CBR4: variants seen among roughly 807,000 people sequenced by gnomAD.
CBR4 encodes 3-oxoacyl-[acyl-carrier-protein] reductase.
A neutral mutation model predicts 21.0 loss-of-function variants in CBR4; 22 were observed. That is an observed-to-expected ratio of 1.05 (90% CI 0.75 to 1.50). The LOEUF (loss-of-function observed/expected upper bound fraction) is 1.50. Among genes scored for constraint, CBR4 ranks in the 40% most tolerant of loss-of-function variants. The pLI, the probability that CBR4 is intolerant of heterozygous loss-of-function variation, is 0.00. For synonymous variants in CBR4, 100 were observed against 104.4 expected, an observed-to-expected ratio of 0.96 and a Z score of 0.26; for missense variants, 302 against 286.3, an observed-to-expected ratio of 1.05 and a Z score of -0.40.
chr4:168,897,280 C>G (rs1433443616), intron 2 of CBR4, among the ~76,000 whole-genome samples: 2 of 152,190 alleles, frequency 1.3e-5, no homozygotes, highest in South Asian at 4.1e-4. Flanking sequence ...AGCAAAACAA[C>G]TTGTGGTATA....
chr4:168,921,967 T>G (rs1191714514), intron 2 of CBR4, among the ~76,000 whole-genome samples: 1 of 152,036 alleles, frequency 6.6e-6, no homozygotes, highest in Non-Finnish European at 1.5e-5. Flanking sequence ...TTTTATTAGC[T>G]CTTTTGGGTC....
intron 2 of CBR4, among the ~76,000 whole-genome samples, chr4:168,943,118 A>G (rs1763306919): frequency 6.6e-6 from 1 of 152,208 alleles, no homozygotes; most frequent in Admixed American, 6.5e-5. Flanking sequence ...ACCAGTGGAC[A>G]TTTATCCAAA....
chr4:168,950,660 G>A (rs572952991), intron 2 of CBR4, among the ~76,000 whole-genome samples: 2 of 152,196 alleles, frequency 1.3e-5, no homozygotes, highest in Non-Finnish European at 2.9e-5. Flanking sequence ...CTTTCTTGAT[G>A]ACCTGTCTAG....
intron 3 of CBR4, chr4:169,005,970 A>G: frequency 8.9e-7 from 1 of 1,123,716 alleles, no homozygotes; most frequent in African/African-American, 1.6e-5. Context: ...ATTATTTCCA[A>G]ATTACCAAAC....
chr4:168,951,796 T>A (rs1023297796), intron 2 of CBR4, among the ~76,000 whole-genome samples: 1 of 152,238 alleles, frequency 6.6e-6, no homozygotes, highest in African/African-American at 2.4e-5. Context: ...GTTAGTCTGA[T>A]AGGTTTTCCT....
At chr4:168,899,714 C>T (rs1183455335) in intron 2 of CBR4, among the ~76,000 whole-genome samples, 1 of 151,926 alleles carries the variant, frequency 6.6e-6, no homozygotes, top group African/African-American at 2.4e-5. Flanking sequence ...CTCAGGAGTT[C>T]GAGACCAGCC....
intron 2 of CBR4, among the ~76,000 whole-genome samples, chr4:168,975,330 G>A (rs1243031228): frequency 6.6e-6 from 1 of 152,264 alleles, no homozygotes; most frequent in East Asian, 1.9e-4. Flanking sequence ...AGTGGACTCT[G>A]TGGGAGTCCT....
intron 2 of CBR4, among the ~76,000 whole-genome samples, chr4:168,938,108 ACAGT>A (rs1192095102): frequency 6.6e-6 from 1 of 152,212 alleles, no homozygotes; most frequent in Non-Finnish European, 1.5e-5. Flanking sequence ...ATCATAACAA[ACAGT>A]CTGTCAGACC....
chr4:168,978,577 G>T (rs1764444321), intron 2 of CBR4, among the ~76,000 whole-genome samples: 1 of 152,174 alleles, frequency 6.6e-6, no homozygotes, highest in African/African-American at 2.4e-5. Context: ...TTTCTGCCAT[G>T]AACCTTTGCA....
intron 2 of CBR4, chr4:168,896,429 A>G (rs1755184869): frequency 1.5e-6 from 1 of 681,056 alleles, no homozygotes; most frequent in Non-Finnish European, 2.7e-6. Context: ...TACTCACAGC[A>G]CCGTTACTAC....
chr4:168,965,541 A>G (rs1763996913), intron 2 of CBR4, among the ~76,000 whole-genome samples: 1 of 152,204 alleles, frequency 6.6e-6, no homozygotes, highest in African/African-American at 2.4e-5. Context: ...TGGTACTGGT[A>G]CCAAAACAGA....
At chr4:168,936,706 G>C (rs1047410630) in intron 2 of CBR4, among the ~76,000 whole-genome samples, 1 of 152,040 alleles carries the variant, frequency 6.6e-6, no homozygotes, top group Non-Finnish European at 1.5e-5. Flanking sequence ...TCAACTTAAC[G>C]AAATAAAGCA....
chr4:168,999,008 AG>A (rs1400734167), intron 4 of CBR4, among the ~76,000 whole-genome samples: 9 of 152,136 alleles, frequency 5.9e-5, no homozygotes, highest in Non-Finnish European at 1.5e-5. Context: ...ATATTTTTTA[AG>A]GTAATACAGC....
chr4:169,006,328 T>A (rs1440757662), intron 3 of CBR4, among the ~76,000 whole-genome samples: 1 of 151,902 alleles, frequency 6.6e-6, no homozygotes, highest in African/African-American at 2.4e-5. Context: ...TAGTGTGACC[T>A]CGTCTCTATT....
downstream of CBR4, among the ~76,000 whole-genome samples, chr4:168,985,536 G>A (rs1350763123): frequency 6.6e-6 from 1 of 152,134 alleles, no homozygotes; most frequent in Non-Finnish European, 1.5e-5. Flanking sequence ...TCCCATTACT[G>A]CATATATTCC....
At chr4:168,952,209 C>G (rs1168833386) in intron 2 of CBR4, among the ~76,000 whole-genome samples, 1 of 152,070 alleles carries the variant, frequency 6.6e-6, no homozygotes, top group African/African-American at 2.4e-5. Context: ...AATTCTATTG[C>G]TGAGATTTTC....
In CBR4 at chr4:168,898,256, C is replaced by G. The variant is rs931661587; in HGVS notation, n.170-3491G>C. The G allele has an allele frequency of 1.1e-5, 6 of 546,484 alleles. No individual in the cohort carries two copies. The East Asian group carries it at 1.9e-4, about 17-fold the overall frequency. 33.9% of individuals were successfully genotyped at this position (546,484 alleles called of 1,614,324 possible). On this transcript the variant is annotated intron_variant and non_coding_transcript_variant, in intron 2 of 3. Coordinates refer to the CBR4 transcript ENST00000509108. The stretch of plus-strand genomic sequence containing the variant: ...CAGAGAAAAGAAGGAAAAAAAAATT[C>G]ATCTTTCCTACCCCCCTCTTTTTGG...
At chr4:168,975,746 C>T (rs4692679) in intron 2 of CBR4, among the ~76,000 whole-genome samples, 105,333 of 151,948 alleles carry the variant, frequency 0.69, 38,088 homozygotes, top group East Asian at 0.96. Flanking sequence ...CAGATTCTCC[C>T]TGGGCGGGAC....
intron 2 of CBR4, among the ~76,000 whole-genome samples, chr4:168,977,823 T>G (rs546637153): frequency 4.6e-5 from 7 of 152,234 alleles, no homozygotes; most frequent in African/African-American, 7.2e-5. Flanking sequence ...ATTTCCTAGA[T>G]TCAGTTCATC....
Sources: allele counts gnomAD v4.1 joint callset (sites outside exome capture counted in the v4.1 genomes callset), GRCh38; gene constraint gnomAD v4.1.1; transcripts MANE v1.5; gene names NCBI Gene and HGNC (gene_info 2026-07-23, HGNC 2026-07-21).